The following EXOSC6 variants were observed in gnomAD, a reference collection of about 807,000 sequenced individuals.
EXOSC6 encodes the protein exosome component 6, also known as exosome complex component MTR3.
A neutral mutation model predicts 16.7 loss-of-function variants in EXOSC6; 21 were observed. The observed-to-expected ratio is 1.26, with a 90% CI of 0.89 to 1.82. EXOSC6 has a LOEUF of 1.82. Ranked by LOEUF, EXOSC6 falls within the 40% of genes most tolerant of loss-of-function variation. EXOSC6 has a pLI of 0.00. For synonymous variants in EXOSC6, 297 were observed against 217.1 expected (o/e 1.37, Z -3.24); for missense variants, 538 against 415.7 (o/e 1.29, Z -2.56).
Position 70,251,433 on chromosome 16 carries a change from C to T in EXOSC6, c.468G>A (p.Ser156=). The change falls in exon 1 of 1, where the codon TCG becomes TCA. Residue 156 remains serine, a synonymous_variant. Coordinates refer to ENST00000435634, the MANE Select transcript of EXOSC6 (RefSeq NM_058219.3). ...VSALLLEDGG[S]ALAAALTAAA... ...CGGCGGTGAGCGCGGCGGCCAGGGC[C>T]GAGCCACCGTCCTCCAGCAGCAGCG... 7.4e-7 allele frequency: 1 copy of T among 1,346,510 alleles called. No individual in the cohort carries two copies. The highest frequency in any genetic ancestry group is 1.5e-5 in the African/African-American group (1 of 65,282). 83.4% of individuals were successfully genotyped at this position (1,346,510 alleles called of 1,614,324 possible).
rs1170698860 is a variant in EXOSC6 at position 70,248,226 on chromosome 16, A to G, written c.*2856T>C. ...ATTCATTTTCTTAGGTATGATTACA[A>G]TATTCTTGTTATACAGAAGAAAAAC... is the stretch of plus-strand genomic sequence containing the variant. On this transcript the variant is annotated 3_prime_UTR_variant, in exon 1 of 1. Transcript: ENST00000435634. The G allele has an allele frequency of 6.6e-6, 1 of 152,204 alleles. No homozygotes were observed. Among genetic ancestry groups the G allele is most frequent in the Non-Finnish European group, 1.5e-5 (1 of 68,040 alleles). 9.4% of individuals were successfully genotyped at this position (152,204 alleles called of 1,614,324 possible).
chr16:70,251,172 C>A lies in EXOSC6; in HGVS notation c.729G>T (p.Leu243=). The part of the protein sequence containing the change: ...LTESWAEAVR[L]GLEGCQRLYP... ...AGAGGCGCTGGCAGCCCTCGAGGCC[C>A]AGGCGTACGGCCTCCGCCCAGCTCT... is the stretch of plus-strand genomic sequence containing the variant. Residue 243 remains leucine, a synonymous_variant, in exon 1 of 1, where the codon CTG becomes CTT. Coordinates refer to ENST00000435634, the MANE Select transcript of EXOSC6 (RefSeq NM_058219.3). 6.5e-7 allele frequency: 1 copy of A among 1,529,554 alleles called. No homozygotes were observed. Among genetic ancestry groups the A allele is most frequent in the Non-Finnish European group, 8.7e-7 (1 of 1,147,740 alleles). The allele number at this position is 1,529,554 out of a possible 1,614,324, so 94.7% of individuals were successfully genotyped here.
In EXOSC6 at chr16:70,251,187, C is replaced by T. The variant is rs748109812; in HGVS notation, c.714G>A (p.Ala238=). The change falls in exon 1 of 1, where the codon GCG becomes GCA. Residue 238 remains alanine, a synonymous_variant. Transcript: ENST00000435634. ...SGEGGLTESW[A]EAVRLGLEGC... ...CCTCGAGGCCCAGGCGTACGGCCTC[C>T]GCCCAGCTCTCTGTCAGGCCGCCCT... 4 of 1,519,334 alleles carry T rather than the reference C, an allele frequency of 2.6e-6. No homozygotes were observed. In the African/African-American group the frequency reaches 5.7e-5, roughly 22 times the overall value. 94.1% of individuals were successfully genotyped at this position (1,519,334 alleles called of 1,614,324 possible).
In EXOSC6 at chr16:70,251,170, C is replaced by A; in HGVS notation, c.731G>T (p.Gly244Val). The change falls in exon 1 of 1, where the codon GGC (glycine) becomes GTC (valine). Residue 244 changes from glycine to valine, a missense_variant. Physicochemically the swap from Gly to Val is moderately radical, Grantham distance 109. Coordinates refer to ENST00000435634, the MANE Select transcript of EXOSC6 (RefSeq NM_058219.3). Reference sequence around the variant, plus strand: ...GTAGAGGCGCTGGCAGCCCTCGAGGCCCAGGCGTACGGCCTCCGCCCAGCT... The same window carrying A: ...GTAGAGGCGCTGGCAGCCCTCGAGGACCAGGCGTACGGCCTCCGCCCAGCT... Reference protein sequence around the residue: ...TESWAEAVRLGLEGCQRLYPV... With the variant: ...TESWAEAVRLVLEGCQRLYPV... The A allele has an allele frequency of 6.5e-7, 1 of 1,529,498 alleles. No individual in the cohort carries two copies. Among genetic ancestry groups the A allele is most frequent in the South Asian group, 1.2e-5 (1 of 83,622 alleles). 94.7% of individuals were successfully genotyped at this position (1,529,498 alleles called of 1,614,324 possible).
At position 70,251,590 on chromosome 16, in the gene EXOSC6, G is replaced by C. The variant is rs975660016; in HGVS notation, c.311C>G (p.Pro104Arg). ...AGCGCGGCGCCGGCGGCCCGCGAAG[G>C]GTGCGCGGCGGAAGTCGCAGAGCAG... is the stretch of plus-strand genomic sequence containing the variant. ...GRLLCDFRRAPFAGRRRRAPP... is the reference protein window; with the variant it reads ...GRLLCDFRRARFAGRRRRAPP... Residue 104 changes from proline to arginine, a missense_variant, in exon 1 of 1, where the codon CCC (proline) becomes CGC (arginine). Physicochemically the swap from Pro to Arg is moderately radical, Grantham distance 103. Transcript: ENST00000435634. 9.3e-7 allele frequency: 1 copy of C among 1,080,656 alleles called. No individual in the cohort carries two copies. The highest frequency in any genetic ancestry group is 1.7e-5 in the African/African-American group (1 of 59,154). 66.9% of individuals were successfully genotyped at this position (1,080,656 alleles called of 1,614,324 possible). A position where few individuals can be genotyped will look rare whatever the true frequency, so the allele number is the denominator to read the frequency against.
Position 70,250,752 on chromosome 16 carries a change from G to A in EXOSC6, c.*330C>T, listed in dbSNP as rs572927017. 2 of 295,872 alleles carry A rather than the reference G, an allele frequency of 6.8e-6. No individual in the cohort carries two copies. Among genetic ancestry groups the A allele is most frequent in the Non-Finnish European group, 1.2e-5 (2 of 161,838 alleles). 18.3% of individuals were successfully genotyped at this position (295,872 alleles called of 1,614,324 possible). On this transcript the variant is annotated 3_prime_UTR_variant, in exon 1 of 1. Coordinates refer to ENST00000435634, the MANE Select transcript of EXOSC6 (RefSeq NM_058219.3). ...CATGCACCTGTAGTCCCAGCACTTT[G>A]GGAGGCCAAGGCAGGAGGATCAATC...
rs1205777516 is a variant in EXOSC6, at chr16:70,249,492, A to G, written c.*1590T>C. ...ATTCATTTACACATAATTATCTTAT[A>G]CCGTTTGGAATAAGAATTTGGGGCA... On this transcript the variant is annotated 3_prime_UTR_variant, in exon 1 of 1. Coordinates refer to ENST00000435634, the MANE Select transcript of EXOSC6 (RefSeq NM_058219.3). 6.6e-6 allele frequency: 1 copy of G among 152,188 alleles called. No individual in the cohort carries two copies. Among genetic ancestry groups the G allele is most frequent in the Non-Finnish European group, 1.5e-5 (1 of 68,032 alleles). The allele number at this position is 152,188 out of a possible 1,614,324, so 9.4% of individuals were successfully genotyped here.
At position 70,248,325 on chromosome 16, in the gene EXOSC6, A is replaced by G. The variant is rs1959733259; in HGVS notation, c.*2757T>C. The G allele has an allele frequency of 1.3e-5, 2 of 150,702 alleles. No individual in the cohort carries two copies. The highest frequency in any genetic ancestry group is 1.5e-5 in the Non-Finnish European group (1 of 68,046). The allele number at this position is 150,702 out of a possible 1,614,324, so 9.3% of individuals were successfully genotyped here. A position where few individuals can be genotyped will look rare whatever the true frequency, so the allele number is the denominator to read the frequency against. ...CATGTGTATGGTTTTCAGATGCTCAACAAAAGTGTGTGAGAAAATAAAACT... is the reference window on the plus strand; with the variant it reads ...CATGTGTATGGTTTTCAGATGCTCAGCAAAAGTGTGTGAGAAAATAAAACT... On this transcript the variant is annotated 3_prime_UTR_variant, in exon 1 of 1. Coordinates refer to ENST00000435634, the MANE Select transcript of EXOSC6 (RefSeq NM_058219.3).
At position 70,251,351 on chromosome 16, in the gene EXOSC6, C is replaced by G; in HGVS notation, c.550G>C (p.Gly184Arg). The change falls in exon 1 of 1, where the codon GGC becomes CGC. Residue 184 changes from glycine (G) to arginine (R), a missense_variant. Gly to Arg is a moderately radical substitution (Grantham distance 125). Transcript: ENST00000435634. ...GCGGGCCCCGGCGCGAGGCTGAGGCCGCAGCCCACCACCAGGTCGTACATC... is the reference window on the plus strand; with the variant it reads ...GCGGGCCCCGGCGCGAGGCTGAGGCGGCAGCCCACCACCAGGTCGTACATC... ...VEMYDLVVGC[G>R]LSLAPGPAPT... The G allele has an allele frequency of 7.2e-7, 1 of 1,381,484 alleles. No individual in the cohort carries two copies. Among genetic ancestry groups the G allele is most frequent in the Non-Finnish European group, 9.3e-7 (1 of 1,073,478 alleles). 85.6% of individuals were successfully genotyped at this position (1,381,484 alleles called of 1,614,324 possible). A position where few individuals can be genotyped will look rare whatever the true frequency, so the allele number is the denominator to read the frequency against.
In EXOSC6 at chr16:70,251,268, G is replaced by A. The variant is rs996904563; in HGVS notation, c.633C>T (p.Leu211=). Residue 211 remains leucine (L), a synonymous_variant, in exon 1 of 1, where the codon CTC becomes CTT. Transcript: ENST00000435634. ...TCAGCACAGGCATGAGCGCCACGGT[G>A]AGGCCGGCGGCGGCGCGCTCTTCCT... ...RLEEERAAAG[L]TVALMPVLNQ... is the part of the protein sequence containing the mutation. The A allele has an allele frequency of 2.0e-5, 29 of 1,452,704 alleles. No homozygotes were observed. The Admixed American group carries it at 2.6e-4, about 13-fold the overall frequency. 90.0% of individuals were successfully genotyped at this position (1,452,704 alleles called of 1,614,324 possible). A position where few individuals can be genotyped will look rare whatever the true frequency, so the allele number is the denominator to read the frequency against.
Position 70,251,848 on chromosome 16 carries a change from T to A in EXOSC6, c.53A>T (p.Gln18Leu), listed in dbSNP as rs1199047319. 2 of 1,553,788 alleles carry A rather than the reference T, an allele frequency of 1.3e-6. No homozygotes were observed. Among genetic ancestry groups the A allele is most frequent in the Non-Finnish European group, 1.7e-6 (2 of 1,160,280 alleles). Residue 18 changes from glutamine to leucine, a missense_variant, in exon 1 of 1, where the codon CAG (glutamine) becomes CTG (leucine). Gln to Leu is a moderately radical substitution (Grantham distance 113, BLOSUM62 -2). Coordinates refer to ENST00000435634, the MANE Select transcript of EXOSC6 (RefSeq NM_058219.3). Reference protein sequence around the residue: ...IRGPEESQPPQLYAADEEEAP... With the variant: ...IRGPEESQPPLLYAADEEEAP... The stretch of plus-strand genomic sequence containing the variant: ...CTCCTCCTCGTCGGCCGCGTACAGC[T>A]GCGGCGGCTGCGATTCTTCAGGGCC...
In EXOSC6 at chr16:70,250,969, C is replaced by G; in HGVS notation, c.*113G>C. ...CAGGTCAGTCCAACCACAGTCATATCAGGGCCCTTCCAGGAATTCTCGACG... is the reference window on the plus strand; with the variant it reads ...CAGGTCAGTCCAACCACAGTCATATGAGGGCCCTTCCAGGAATTCTCGACG... On this transcript the variant is annotated 3_prime_UTR_variant, in exon 1 of 1. Coordinates refer to ENST00000435634, the MANE Select transcript of EXOSC6 (RefSeq NM_058219.3). 3.0e-6 allele frequency: 4 copies of G among 1,342,608 alleles called. No homozygotes were observed. The highest frequency in any genetic ancestry group is 3.9e-6 in the Non-Finnish European group (4 of 1,027,634). The allele number at this position is 1,342,608 out of a possible 1,614,324, so 83.2% of individuals were successfully genotyped here.
rs1959825006 is a variant in EXOSC6 at position 70,251,630 on chromosome 16, C to T, written c.271G>A (p.Ala91Thr). 1 of 1,090,328 alleles carries T rather than the reference C, an allele frequency of 9.2e-7. No individual in the cohort carries two copies. The highest frequency in any genetic ancestry group is 1.1e-6 in the Non-Finnish European group (1 of 900,362). The allele number at this position is 1,090,328 out of a possible 1,614,324, so 67.5% of individuals were successfully genotyped here. ...TCGCAGAGCAGGCGACCGCGCAGCG[C>T]GGCCGGGGCCTCGCCGCCTGCTCCG... ...PAGAGGEAPA[A>T]LRGRLLCDFR... Residue 91 changes from alanine to threonine, a missense_variant, in exon 1 of 1, where the codon GCG becomes ACG. Coordinates refer to ENST00000435634, the MANE Select transcript of EXOSC6 (RefSeq NM_058219.3).
At position 70,251,353 on chromosome 16, in the gene EXOSC6, C is replaced by G; in HGVS notation, c.548G>C (p.Cys183Ser). The change falls in exon 1 of 1, where the codon TGC becomes TCC. Residue 183 changes from cysteine to serine, a missense_variant. Physicochemically the swap from Cys to Ser is moderately radical, Grantham distance 112 (BLOSUM62 -1). Transcript: ENST00000435634. ...GGGCCCCGGCGCGAGGCTGAGGCCGCAGCCCACCACCAGGTCGTACATCTC... is the reference window on the plus strand; with the variant it reads ...GGGCCCCGGCGCGAGGCTGAGGCCGGAGCCCACCACCAGGTCGTACATCTC... ...GVEMYDLVVG[C>S]GLSLAPGPAP... is the part of the protein sequence containing the mutation. The G allele has an allele frequency of 7.2e-7, 1 of 1,381,550 alleles. No individual in the cohort carries two copies. 85.6% of individuals were successfully genotyped at this position (1,381,550 alleles called of 1,614,324 possible).
Position 70,251,552 on chromosome 16 carries a change from A to T in EXOSC6, c.349T>A (p.Cys117Ser). ...GRRRRAPPGG[C>S]EERELALALQ... ...GCCAGCGCCAGCTCACGCTCCTCGC[A>T]GCCGCCCGGGGGAGCGCGGCGCCGG... Residue 117 changes from cysteine (C) to serine (S), a missense_variant, in exon 1 of 1, where the codon TGC becomes AGC. Cys to Ser is a moderately radical substitution (Grantham distance 112). Coordinates refer to ENST00000435634, the MANE Select transcript of EXOSC6 (RefSeq NM_058219.3). The T allele has an allele frequency of 8.4e-7, 1 of 1,185,466 alleles. No homozygotes were observed. Among genetic ancestry groups the T allele is most frequent in the Non-Finnish European group, 1.0e-6 (1 of 958,764 alleles). 73.4% of individuals were successfully genotyped at this position (1,185,466 alleles called of 1,614,324 possible). A position where few individuals can be genotyped will look rare whatever the true frequency, so the allele number is the denominator to read the frequency against.
chr16:70,249,640 C>T lies in EXOSC6; in HGVS notation c.*1442G>A, dbSNP rs1432456395. On this transcript the variant is annotated 3_prime_UTR_variant, in exon 1 of 1. Transcript: ENST00000435634. The stretch of plus-strand genomic sequence containing the variant: ...AGTTCCTATTTTCAAATTTGCAAAT[C>T]ATTCTGGTGCTAAGCAATCTCAAAA... 1 of 152,126 alleles carries T rather than the reference C, an allele frequency of 6.6e-6. No homozygotes were observed. The highest frequency in any genetic ancestry group is 1.5e-5 in the Non-Finnish European group (1 of 68,020). 9.4% of individuals were successfully genotyped at this position (152,126 alleles called of 1,614,324 possible).
rs1959769051 is a variant in EXOSC6, at chr16:70,249,897, G to T, written c.*1185C>A. The T allele has an allele frequency of 6.6e-6, 1 of 152,280 alleles. No homozygotes were observed. The highest frequency in any genetic ancestry group is 6.6e-5 in the Admixed American group (1 of 15,262). 9.4% of individuals were successfully genotyped at this position (152,280 alleles called of 1,614,324 possible). ...ACCTCTGAGGCGGAGGTTGCAGTGA[G>T]CTGAGATCGCGCCATTGCACTCCAG... On this transcript the variant is annotated 3_prime_UTR_variant, in exon 1 of 1. Coordinates refer to ENST00000435634, the MANE Select transcript of EXOSC6 (RefSeq NM_058219.3).
rs1597430544 is a variant in EXOSC6, at chr16:70,251,212, T to C, written c.689A>G (p.Glu230Gly). The change falls in exon 1 of 1, where the codon GAG becomes GGG. Residue 230 changes from glutamate (E) to glycine (G), a missense_variant. Glu to Gly is a moderately conservative substitution (Grantham distance 98). Transcript: ENST00000435634. ...NQVAGLLGSGEGGLTESWAEA... is the reference protein window; with the variant it reads ...NQVAGLLGSGGGGLTESWAEA... ...CGCCCAGCTCTCTGTCAGGCCGCCC[T>C]CGCCGCTGCCCAGCAGCCCGGCCAC... is the stretch of plus-strand genomic sequence containing the variant. 1.3e-6 allele frequency: 2 copies of C among 1,509,654 alleles called. No homozygotes were observed. Among genetic ancestry groups the C allele is most frequent in the Non-Finnish European group, 1.8e-6 (2 of 1,136,654 alleles). The allele number at this position is 1,509,654 out of a possible 1,614,324, so 93.5% of individuals were successfully genotyped here.
In EXOSC6 at chr16:70,251,333, C is replaced by T; in HGVS notation, c.568G>A (p.Gly190Arg). Reference sequence around the variant, plus strand: ...TCCAGGAGCCAGGTGGGCGCGGGCCCCGGCGCGAGGCTGAGGCCGCAGCCC... The same window carrying T: ...TCCAGGAGCCAGGTGGGCGCGGGCCTCGGCGCGAGGCTGAGGCCGCAGCCC... ...VVGCGLSLAP[G>R]PAPTWLLDPT... The change falls in exon 1 of 1, where the codon GGG (glycine) becomes AGG (arginine). Residue 190 changes from glycine (G) to arginine (R), a missense_variant. Transcript: ENST00000435634. 1 of 1,380,656 alleles carries T rather than the reference C, an allele frequency of 7.2e-7. No individual in the cohort carries two copies. The highest frequency in any genetic ancestry group is 9.3e-7 in the Non-Finnish European group (1 of 1,073,690). 85.5% of individuals were successfully genotyped at this position (1,380,656 alleles called of 1,614,324 possible).
Sources: allele counts gnomAD v4.1 joint callset, GRCh38; gene constraint gnomAD v4.1.1; transcripts MANE v1.5; gene names NCBI Gene and HGNC (gene_info 2026-07-23, HGNC 2026-07-21).